DGKD: variants seen among roughly 807,000 people sequenced by gnomAD.
The protein encoded by DGKD is diacylglycerol kinase delta, also known as DAG kinase delta.
Under a neutral mutation model 154.4 loss-of-function variants are expected in DGKD, and 68 were observed. That is an observed-to-expected ratio of 0.44 (90% CI 0.36 to 0.54). The LOEUF is 0.54. Ranked by LOEUF, DGKD falls within the 20% of genes least tolerant of loss-of-function variation. The probability of loss-of-function intolerance (pLI) is 0.00; values close to 1 mark genes in which losing one functional copy is unlikely to be tolerated. For synonymous variants in DGKD, 693 were observed against 638.0 expected (o/e 1.09, Z -1.30); for missense variants, 1,343 against 1,593.6 (o/e 0.84, Z 2.68).
chr2:233,438,518 A>G lies in DGKD; in HGVS notation c.1085+139A>G. The G allele has an allele frequency of 6.3e-6, 7 of 1,110,418 alleles. No individual in the cohort carries two copies. The highest frequency in any genetic ancestry group is 7.6e-6 in the Non-Finnish European group (6 of 794,594). The allele number at this position is 1,110,418 out of a possible 1,614,324, so 68.8% of individuals were successfully genotyped here. A position where few individuals can be genotyped will look rare whatever the true frequency, so the allele number is the denominator to read the frequency against. On this transcript the variant is annotated intron_variant, in intron 9 of 29. Coordinates refer to ENST00000264057, the MANE Select transcript of DGKD (RefSeq NM_152879.3). This position sits in a 1 kb window ranked among gnomAD's most constrained non-coding sequence, Gnocchi z 4.1. Reference sequence around the variant, plus strand: ...TTGAACTGCTTCCTTCCCAAATTGCACTTGCAGAGGTGCCCACTCTTAATA... The same window carrying G: ...TTGAACTGCTTCCTTCCCAAATTGCGCTTGCAGAGGTGCCCACTCTTAATA...
At chr2:233,467,721 TC>T (rs2063867841) in intron 28 of DGKD, among the ~76,000 whole-genome samples, 1 of 152,214 alleles carries the variant, frequency 6.6e-6, no homozygotes, top group Non-Finnish European at 1.5e-5. Context: ...GTCTGAAGGA[TC>T]AGCCCTGAAT....
At chr2:233,364,180 A>G (rs934532409) in intron 1 of DGKD, among the ~76,000 whole-genome samples, 13 of 152,250 alleles carry the variant, frequency 8.5e-5, no homozygotes, top group Non-Finnish European at 2.9e-5. Context: ...TAAGTCCTCA[A>G]AGAAAGTTAC....
chr2:233,461,841 G>A (rs980848545), intron 24 of DGKD, among the ~76,000 whole-genome samples: 1 of 152,228 alleles, frequency 6.6e-6, no homozygotes, highest in Non-Finnish European at 1.5e-5. Context: ...GCCTCCCTGG[G>A]ACCTGGTGTG....
chr2:233,370,578 T>TTTTTG (rs1702267559), intron 1 of DGKD, among the ~76,000 whole-genome samples: 2 of 150,650 alleles, frequency 1.3e-5, no homozygotes, highest in African/African-American at 4.9e-5. Context: ...TTCTTTTTTT[T>TTTTTG]TTTTTTTTTT....
At chr2:233,391,754 G>GTTTTA in intron 3 of DGKD, among the ~76,000 whole-genome samples, 1 of 152,216 alleles carries the variant, frequency 6.6e-6, no homozygotes, top group Admixed American at 6.5e-5. Flanking sequence ...TTCAAGTTTT[G>GTTTTA]TTTTATTTTA....
At chr2:233,397,589 A>G (rs1433197265) in intron 3 of DGKD, among the ~76,000 whole-genome samples, 1 of 146,182 alleles carries the variant, frequency 6.8e-6, no homozygotes, top group Non-Finnish European at 1.5e-5. Flanking sequence ...TGGCTGGCAG[A>G]GGCCAGAGTG....
chr2:233,388,701 A>C (rs994843421), intron 2 of DGKD: 11 of 157,984 alleles, frequency 7.0e-5, no homozygotes, highest in South Asian at 2.1e-4. Flanking sequence ...TCATCTTCTT[A>C]TTATTAAATA....
intron 1 of DGKD, among the ~76,000 whole-genome samples, chr2:233,378,751 G>T (rs1034586887): frequency 2.0e-5 from 3 of 152,134 alleles, no homozygotes; most frequent in Non-Finnish European, 2.9e-5. Context: ...TAAAGATTAG[G>T]GATATTAGCC....
intron 28 of DGKD, 85 bp from the exon 29 acceptor site, chr2:233,468,338 C>T: frequency 6.5e-7 from 1 of 1,546,732 alleles, no homozygotes; most frequent in Non-Finnish European, 8.8e-7. Flanking sequence ...TGGCACTGGG[C>T]TCTCGGGTGC....
In DGKD at chr2:233,399,593, G is replaced by A. The variant is rs146465891; in HGVS notation, c.348+9110G>A. ...TTCTTGCCAGAGGGAGTGGGCGTGG[G>A]AGGTGCGCTGGGTGAGCAGCCTCTG... is the stretch of plus-strand genomic sequence containing the variant. On this transcript the variant is annotated intron_variant, in intron 3 of 29. Transcript: ENST00000264057. Among the ~76,000 whole-genome samples, 228 of 152,354 alleles carry A rather than the reference G, an allele frequency of 1.5e-3. 2 individuals carry two copies. Among genetic ancestry groups the A allele is most frequent in the African/African-American group, 5.4e-3 (223 of 41,584 alleles).
rs2062885222 is a variant in DGKD at position 233,441,470 on chromosome 2, G to A, written c.1086-417G>A. On this transcript the variant is annotated intron_variant, in intron 9 of 29. Transcript: ENST00000264057. This position sits in a 1 kb window ranked among gnomAD's most constrained non-coding sequence, Gnocchi z 5.6. ...GGCAGCCCAGAGGGCATGCTGGGAA[G>A]GCTGGCAGGGGCCACATGTGGATGG... Among the ~76,000 whole-genome samples the A allele has an allele frequency of 6.6e-6, 1 of 152,192 alleles. No individual in the cohort carries two copies. The highest frequency in any genetic ancestry group is 2.4e-5 in the African/African-American group (1 of 41,448).
rs997869781 is a variant in DGKD, at chr2:233,449,792, G to A, written c.1889-190G>A. 3.3e-5 allele frequency among the ~76,000 whole-genome samples: 5 copies of A among 152,152 alleles called. No individual in the cohort carries two copies. Among genetic ancestry groups the A allele is most frequent in the Non-Finnish European group, 5.9e-5 (4 of 68,020 alleles). ...CCAGACCTCCCAGCCTGTTAGCAGG[G>A]ACGCCCTGCCCCAGTGCCAGGACCA... On this transcript the variant is annotated intron_variant, in intron 15 of 29. Transcript: ENST00000264057. The surrounding 1 kb of genome is among the most constrained non-coding windows in gnomAD (Gnocchi z 5.3).
At chr2:233,463,103 G>A (rs2063703104) in intron 26 of DGKD, among the ~76,000 whole-genome samples, 1 of 152,194 alleles carries the variant, frequency 6.6e-6, no homozygotes, top group Admixed American at 6.5e-5. Context: ...CTGTGGGGCT[G>A]TTACTGAATC....
chr2:233,462,857 C>T (rs767207350), intron 26 of DGKD, 122 bp downstream of exon 26: 8 of 851,892 alleles, frequency 9.4e-6, no homozygotes, highest in Non-Finnish European at 1.5e-5. Context: ...AAGGAATGGG[C>T]CGCAGAGGTC....
At chr2:233,435,965 TC>T in intron 6 of DGKD, 41 bp downstream of exon 6, 2 of 1,544,608 alleles carry the variant, frequency 1.3e-6, no homozygotes, top group Non-Finnish European at 1.8e-6. Context: ...TGAGCCAGGG[TC>T]CCCCACCTGC....
chr2:233,438,834 C>T lies in DGKD; in HGVS notation c.1085+455C>T, dbSNP rs556292554. ...TCTATCTGTGGGTGTATTTTCCTGGCGTGCCTCGTTCTTTGTAACAGCTGC... is the reference window on the plus strand; with the variant it reads ...TCTATCTGTGGGTGTATTTTCCTGGTGTGCCTCGTTCTTTGTAACAGCTGC... On this transcript the variant is annotated intron_variant, in intron 9 of 29. Coordinates refer to ENST00000264057, the MANE Select transcript of DGKD (RefSeq NM_152879.3). This position sits in a 1 kb window ranked among gnomAD's most constrained non-coding sequence, Gnocchi z 4.1. 6.6e-6 allele frequency among the ~76,000 whole-genome samples: 1 copy of T among 151,578 alleles called. No homozygotes were observed. The highest frequency in any genetic ancestry group is 2.4e-5 in the African/African-American group (1 of 41,094).
intron 1 of DGKD, among the ~76,000 whole-genome samples, chr2:233,356,451 T>G (rs1701537900): frequency 6.6e-6 from 1 of 152,040 alleles, no homozygotes; most frequent in African/African-American, 2.4e-5. Context: ...CTGATAGGAG[T>G]TGCTTTCTCC....
chr2:233,468,562 A>G lies in DGKD; in HGVS notation c.3555+9A>G, dbSNP rs1423821785. On this transcript the variant is annotated intron_variant, in intron 29 of 29. Transcript: ENST00000264057. ...AGCGGAGGGACCTCAAGGTACTTCCATAGGCGTCTCCCTGGAACCTGCACT... is the reference window on the plus strand; with the variant it reads ...AGCGGAGGGACCTCAAGGTACTTCCGTAGGCGTCTCCCTGGAACCTGCACT... The G allele has an allele frequency of 1.7e-5, 27 of 1,613,284 alleles. No homozygotes were observed. The highest frequency in any genetic ancestry group is 2.2e-5 in the Non-Finnish European group (26 of 1,179,934).
At chr2:233,436,227 C>T in intron 6 of DGKD, 89 bp from the exon 7 acceptor site, 1 of 1,582,366 alleles carries the variant, frequency 6.3e-7, no homozygotes, top group Non-Finnish European at 8.6e-7. Flanking sequence ...GGAAGAATGC[C>T]TTGGCTGAGT....
Sources: gnomAD v4.1 joint callset for allele counts (sites outside exome capture counted in the v4.1 genomes callset) on GRCh38, gnomAD v4.1.1 for gene constraint, Gnocchi (gnomAD v3.1) non-coding constraint, MANE v1.5 for transcripts, NCBI Gene and HGNC (gene_info 2026-07-23, HGNC 2026-07-21) for gene names.